The following TFB2M variants were observed in gnomAD, a reference collection of about 807,000 sequenced individuals.
TFB2M encodes the protein dimethyladenosine transferase 2, mitochondrial.
In TFB2M, 44 loss-of-function variants were observed where a neutral mutation model predicts 41.3. The observed-to-expected ratio is 1.07, with a 90% CI of 0.84 to 1.37. TFB2M has a LOEUF of 1.37. Ranked by LOEUF, TFB2M falls within the 40% of genes most tolerant of loss-of-function variation. The pLI, the probability that TFB2M is intolerant of heterozygous loss-of-function variation, is 0.00. For synonymous variants in TFB2M, 188 were observed against 176.8 expected, an observed-to-expected ratio of 1.06 and a Z score of -0.50; for missense variants, 496 against 490.2, an observed-to-expected ratio of 1.01 and a Z score of -0.11.
intron 6 of TFB2M, among the ~76,000 whole-genome samples, chr1:246,547,737 C>A (rs1181073686): frequency 1.3e-5 from 2 of 150,146 alleles, no homozygotes; most frequent in African/African-American, 4.9e-5. Flanking sequence ...TGAATTGAGT[C>A]AAAAAATTGT....
intron 1 of TFB2M, among the ~76,000 whole-genome samples, chr1:246,565,372 C>G (rs1202929114): frequency 6.6e-6 from 1 of 152,214 alleles, no homozygotes; most frequent in South Asian, 2.1e-4. Context: ...GATACAGACT[C>G]TACGCTTATG....
intron 4 of TFB2M, among the ~76,000 whole-genome samples, chr1:246,552,919 A>G (rs1243333171): frequency 1.3e-5 from 2 of 151,628 alleles, no homozygotes; most frequent in African/African-American, 4.9e-5. Context: ...ATTTAAAAAC[A>G]AAGGGAGGGA....
At position 246,544,560 on chromosome 1, in the gene TFB2M, CA is replaced by C. The variant is rs1558508323; in HGVS notation, c.979del (p.Cys327ValfsTer9). Reference sequence around the variant, plus strand: ...TACAGTGGCGCTGCGCCTCCCAAAACAGTGCTTTAACAAGTGAAAAAATATA... The same window carrying C: ...TACAGTGGCGCTGCGCCTCCCAAAACGTGCTTTAACAAGTGAAAAAATATA... The part of the protein sequence containing the change: ...YNIFFHLLKH[C>X]FGRRSATVID... On this transcript the variant is annotated frameshift_variant, in exon 7 of 8. Coordinates refer to ENST00000366514, the MANE Select transcript of TFB2M (RefSeq NM_022366.3). LOFTEE classifies it low-confidence loss of function (END_TRUNC). 6.2e-7 allele frequency: 1 copy of C among 1,609,728 alleles called. No homozygotes were observed. Among genetic ancestry groups the C allele is most frequent in the East Asian group, 2.2e-5 (1 of 44,794 alleles).
chr1:246,546,983 A>AC (rs764498048), intron 6 of TFB2M, among the ~76,000 whole-genome samples: 60 of 127,174 alleles, frequency 4.7e-4, no homozygotes, highest in African/African-American at 1.6e-3. Context: ...ACACACACAC[A>AC]TTTTTTTTTT....
In TFB2M at chr1:246,542,449, A is replaced by G. The variant is rs1209853991; in HGVS notation, c.1020-1247T>C. ...GCACTTTGGGGGGCTAGGTGGGAGG[A>G]TCATTTGAGCCCAAGAGTTCAAGAC... On this transcript the variant is annotated intron_variant, in intron 7 of 7. Coordinates refer to ENST00000366514, the MANE Select transcript of TFB2M (RefSeq NM_022366.3). 1.2e-4 allele frequency among the ~76,000 whole-genome samples: 18 copies of G among 152,004 alleles called. No individual in the cohort carries two copies. In the East Asian group the frequency reaches 3.3e-3, roughly 28 times the overall value.
chr1:246,552,760 TA>T (rs1042101956), intron 4 of TFB2M, among the ~76,000 whole-genome samples: 3 of 150,868 alleles, frequency 2.0e-5, no homozygotes, highest in Non-Finnish European at 3.0e-5. Flanking sequence ...CCTTAAATAT[TA>T]AAAAAAAATC....
At chr1:246,549,513 C>T (rs1040051871) in intron 5 of TFB2M, among the ~76,000 whole-genome samples, 3 of 151,910 alleles carry the variant, frequency 2.0e-5, no homozygotes, top group Middle Eastern at 3.4e-3. Context: ...GCCTGGGAGG[C>T]GGAGGTTGCA....
chr1:246,559,419 C>T (rs894939257), intron 2 of TFB2M, among the ~76,000 whole-genome samples: 1 of 152,110 alleles, frequency 6.6e-6, no homozygotes, highest in African/African-American at 2.4e-5. Flanking sequence ...GGTGGTGGCA[C>T]ACCCCTGTAA....
At chr1:246,546,312 T>TAAAAAAAAAAAAAA (rs141055155) in intron 6 of TFB2M, among the ~76,000 whole-genome samples, 94 of 140,228 alleles carry the variant, frequency 6.7e-4, no homozygotes, top group Middle Eastern at 3.8e-3. Context: ...CACTGTCTTT[T>TAAAAAAAAAAAAAA]AAAAAAAGAA....
At chr1:246,557,582 T>C (rs1659357905) in intron 2 of TFB2M, 48 bp from the exon 3 acceptor site, 1 of 1,454,290 alleles carries the variant, frequency 6.9e-7, no homozygotes, top group Non-Finnish European at 9.2e-7. Flanking sequence ...GCATTAAGTA[T>C]ACTTTGCAGC....
intron 5 of TFB2M, 124 bp from the exon 6 acceptor site, chr1:246,548,731 A>G (rs1890160): frequency 1 from 801,461 of 801,474 alleles, 400,724 homozygotes; most frequent in Middle Eastern, 1. Context: ...TTGGATTTAA[A>G]AGAAACATGT....
intron 5 of TFB2M, among the ~76,000 whole-genome samples, chr1:246,550,828 A>C (rs901162905): frequency 5.9e-5 from 9 of 152,218 alleles, no homozygotes; most frequent in African/African-American, 1.9e-4. Context: ...GGTTGCAGTG[A>C]GCCGAGATCG....
At chr1:246,542,251 G>A (rs925365154) in intron 7 of TFB2M, among the ~76,000 whole-genome samples, 1 of 149,480 alleles carries the variant, frequency 6.7e-6, no homozygotes, top group Admixed American at 6.7e-5. Context: ...ATATATATAA[G>A]GTATATTATA....
At chr1:246,559,143 T>G (rs764632177) in intron 2 of TFB2M, among the ~76,000 whole-genome samples, 14 of 152,080 alleles carry the variant, frequency 9.2e-5, no homozygotes, top group Non-Finnish European at 1.6e-4. Flanking sequence ...TTGAGATGAG[T>G]CTCACTATGT....
At chr1:246,553,114 C>T (rs1239058613) in intron 4 of TFB2M, among the ~76,000 whole-genome samples, 1 of 151,778 alleles carries the variant, frequency 6.6e-6, no homozygotes, top group Non-Finnish European at 1.5e-5. Flanking sequence ...CCCAGCTATT[C>T]AGGAGGCTGA....
chr1:246,544,762 T>C, intron 6 of TFB2M, 81 bp from the exon 7 acceptor site: 1 of 1,284,758 alleles, frequency 7.8e-7, no homozygotes, highest in Non-Finnish European at 1.1e-6. Flanking sequence ...CTTCAAGCTA[T>C]CTGCTGAAAG....
Position 246,556,659 on chromosome 1 carries a change from G to GTTTCCAAAGTGCCC in TFB2M, c.605_618dup (p.Leu207GlyfsTer22). The GTTTCCAAAGTGCCC allele has an allele frequency of 6.3e-7, 1 of 1,582,302 alleles. No individual in the cohort carries two copies. Among genetic ancestry groups the GTTTCCAAAGTGCCC allele is most frequent in the Non-Finnish European group, 8.5e-7 (1 of 1,169,686 alleles). ...GTACAGGAATACAAGTCATATGCGA[G>GTTTCCAAAGTGCCC]TTTCCAAAGTGCCCTTTTCTCACCT... On this transcript the variant is annotated frameshift_variant, in exon 4 of 8. Transcript: ENST00000366514. LOFTEE classifies it high-confidence loss of function.
intron 6 of TFB2M, among the ~76,000 whole-genome samples, chr1:246,544,993 G>C (rs1405323735): frequency 1.3e-5 from 2 of 151,938 alleles, no homozygotes; most frequent in South Asian, 2.1e-4. Context: ...TTTTAGTAGA[G>C]ATGGGGTTTC....
At chr1:246,564,214 AAAC>A (rs1659529463) in intron 2 of TFB2M, 129 bp downstream of exon 2, 1 of 721,916 alleles carries the variant, frequency 1.4e-6, no homozygotes, top group African/African-American at 1.8e-5. Flanking sequence ...CTTTGGGAAT[AAAC>A]AAGATATTTC....
Sources: allele counts gnomAD v4.1 joint callset (sites outside exome capture counted in the v4.1 genomes callset), GRCh38; gene constraint gnomAD v4.1.1; transcripts MANE v1.5; gene names NCBI Gene and HGNC (gene_info 2026-07-23, HGNC 2026-07-21).